SNRPN: variants seen among roughly 807,000 people sequenced by gnomAD.
The protein encoded by SNRPN is small nuclear ribonucleoprotein-associated protein N.
A neutral mutation model predicts 25.2 loss-of-function variants in SNRPN; 7 were observed. The ratio of observed to expected loss-of-function variants is 0.28; its 90% CI spans 0.16 to 0.52. The LOEUF is 0.52. Among genes scored for constraint, SNRPN ranks in the 20% least tolerant of loss-of-function variants. The pLI, the probability that SNRPN is intolerant of heterozygous loss-of-function variation, is 0.96. For missense variants in SNRPN, 196 were observed against 322.5 expected (o/e 0.61, Z 3.00); for synonymous variants, 124 against 110.6 (o/e 1.12, Z -0.76).
At chr15:24,889,999 G>C (rs1343005825) in intron 2 of SNRPN, among the ~76,000 whole-genome samples, 20 of 144,610 alleles carry the variant, frequency 1.4e-4, no homozygotes. Flanking sequence ...GCAGTGAGCT[G>C]AGATCGCACC....
intron 3 of SNRPN, among the ~76,000 whole-genome samples, chr15:24,935,715 G>A (rs1427390756): frequency 6.6e-6 from 1 of 152,200 alleles, no homozygotes; most frequent in African/African-American, 2.4e-5. Context: ...TTTCAGAGCA[G>A]TGGAGTCTGA....
chr15:24,977,936 GA>G lies in SNRPN; in HGVS notation c.559+22del. On this transcript the variant is annotated intron_variant, in intron 8 of 9. Coordinates refer to ENST00000390687, the MANE Select transcript of SNRPN (RefSeq NM_003097.6). ...CTCCAGGTAAGGGATTGGTGAACACGAAGACGAACTTGAATCTCTGATGAGA... is the reference window on the plus strand; with the variant it reads ...CTCCAGGTAAGGGATTGGTGAACACGAGACGAACTTGAATCTCTGATGAGA... The G allele has an allele frequency of 2.0e-6, 3 of 1,537,162 alleles. No homozygotes were observed. The highest frequency in any genetic ancestry group is 2.6e-6 in the Non-Finnish European group (3 of 1,142,010).
intron 2 of SNRPN, among the ~76,000 whole-genome samples, chr15:24,966,766 C>T (rs937634269): frequency 4.6e-5 from 7 of 152,098 alleles, no homozygotes; most frequent in African/African-American, 1.7e-4. Context: ...TAAAATGTTA[C>T]TGAAAAACCA....
chr15:24,843,865 C>T (rs2051939283), intron 2 of SNRPN, among the ~76,000 whole-genome samples: 1 of 151,186 alleles, frequency 6.6e-6, no homozygotes. Flanking sequence ...CCCAGCTCCT[C>T]ATGTGGCTAG....
chr15:24,916,251 C>T (rs774738623), intron 2 of SNRPN, among the ~76,000 whole-genome samples: 2 of 152,078 alleles, frequency 1.3e-5, no homozygotes, highest in South Asian at 2.1e-4. Context: ...TGAGCCACCG[C>T]GCCCAGCCTT....
At chr15:24,933,381 G>A (rs982421414) in intron 3 of SNRPN, among the ~76,000 whole-genome samples, 1 of 152,022 alleles carries the variant, frequency 6.6e-6, no homozygotes, top group Admixed American at 6.6e-5. Flanking sequence ...ATATCTACAA[G>A]AGGATAATGA....
chr15:24,843,283 A>G (rs1381395102), intron 2 of SNRPN, among the ~76,000 whole-genome samples: 2 of 152,216 alleles, frequency 1.3e-5, no homozygotes, highest in Admixed American at 1.3e-4. Context: ...TATGGTTACT[A>G]CAAGCATATG....
At chr15:24,957,674 T>A (rs1436728605) in intron 1 of SNRPN, among the ~76,000 whole-genome samples, 1 of 152,254 alleles carries the variant, frequency 6.6e-6, no homozygotes, top group Admixed American at 6.5e-5. Flanking sequence ...TGGAATAATC[T>A]ATTTTTGGGT....
intron 2 of SNRPN, among the ~76,000 whole-genome samples, chr15:24,899,719 G>A (rs1595783743): frequency 6.6e-6 from 1 of 152,190 alleles, no homozygotes; most frequent in African/African-American, 2.4e-5. Flanking sequence ...TGGCACCTAA[G>A]TGGGAAGATT....
intron 2 of SNRPN, among the ~76,000 whole-genome samples, chr15:24,889,533 C>G (rs983603722): frequency 6.0e-5 from 9 of 150,926 alleles, no homozygotes; most frequent in Non-Finnish European, 1.0e-4. Context: ...TCTTGATCTC[C>G]TGACCTCGTG....
At chr15:24,965,964 C>T (rs1377511424) in intron 2 of SNRPN, among the ~76,000 whole-genome samples, 1 of 151,994 alleles carries the variant, frequency 6.6e-6, no homozygotes, top group East Asian at 1.9e-4. Context: ...GGAGAATGCC[C>T]AAATTAAGAT....
At chr15:24,861,186 G>A (rs78178392) in intron 1 of SNRPN, among the ~76,000 whole-genome samples, 4,455 of 152,240 alleles carry the variant, frequency 0.029, 175 homozygotes, top group African/African-American at 0.093. Context: ...AATACCTTCT[G>A]AGAAATGCAT....
At chr15:24,930,006 T>C (rs897447061) in intron 3 of SNRPN, among the ~76,000 whole-genome samples, 2 of 151,798 alleles carry the variant, frequency 1.3e-5, no homozygotes, top group Non-Finnish European at 2.9e-5. Flanking sequence ...GCTAACGCGG[T>C]GAAACCCTGT....
upstream of SNRPN, among the ~76,000 whole-genome samples, chr15:24,852,609 CATATT>C (rs1232962769): frequency 2.0e-5 from 3 of 152,070 alleles, no homozygotes; most frequent in African/African-American, 4.8e-5. Context: ...AACAGAATAA[CATATT>C]AGTTAGAAGT....
chr15:24,843,081 G>GT lies in SNRPN; in HGVS notation c.-579+13185dup, dbSNP rs369408097. On this transcript the variant is annotated intron_variant, in intron 2 of 12. Transcript: ENST00000400100. ...TACCACAATTTACTCAATTGTTTAT[G>GT]TTTTTTTTTAAGACAGAGTTTCGCT... Among the ~76,000 whole-genome samples, 530 of 151,268 alleles carry GT rather than the reference G, an allele frequency of 3.5e-3. 1 individual carries two copies. The highest frequency in any genetic ancestry group is 5.6e-3 in the Non-Finnish European group (377 of 67,752).
In SNRPN at chr15:24,858,309, A is replaced by G. The variant is rs1179201533; in HGVS notation, c.-579+1593A>G. 2.0e-5 allele frequency among the ~76,000 whole-genome samples: 3 copies of G among 152,198 alleles called. No homozygotes were observed. In the East Asian group the frequency reaches 5.8e-4, roughly 29 times the overall value. On this transcript the variant is annotated intron_variant, in intron 1 of 11. Coordinates refer to the SNRPN transcript ENST00000400097. ...TCCTGAAGTTCGCGGGGAATGAACAAGGGCAGCTTGGAGGTTAGAAGCAAG... is the reference window on the plus strand; with the variant it reads ...TCCTGAAGTTCGCGGGGAATGAACAGGGGCAGCTTGGAGGTTAGAAGCAAG...
At chr15:24,842,552 T>A (rs530657910) in intron 2 of SNRPN, among the ~76,000 whole-genome samples, 4 of 152,206 alleles carry the variant, frequency 2.6e-5, no homozygotes, top group African/African-American at 9.6e-5. Context: ...CAGCCCACCC[T>A]GGGTTACATA....
chr15:24,890,856 G>T (rs1310700677), intron 2 of SNRPN, among the ~76,000 whole-genome samples: 2 of 152,138 alleles, frequency 1.3e-5, no homozygotes, highest in Admixed American at 1.3e-4. Flanking sequence ...ATTTTGGCTT[G>T]TCAGAAATAA....
At chr15:24,973,924 A>T (rs2076765611) in intron 3 of SNRPN, among the ~76,000 whole-genome samples, 1 of 152,252 alleles carries the variant, frequency 6.6e-6, no homozygotes. Flanking sequence ...GGTATTTCAG[A>T]AAAAAGGAAA....
Sources: gnomAD v4.1 joint callset for allele counts (sites outside exome capture counted in the v4.1 genomes callset) on GRCh38, gnomAD v4.1.1 for gene constraint, MANE v1.5 for transcripts, NCBI Gene and HGNC (gene_info 2026-07-23, HGNC 2026-07-21) for gene names.